The following UBAP1 variants were observed in gnomAD, a reference collection of about 807,000 sequenced individuals.
UBAP1 encodes ubiquitin-associated protein 1.
Under a neutral mutation model 39.0 loss-of-function variants are expected in UBAP1, and 5 were observed. That is an observed-to-expected ratio of 0.13 (90% CI 0.07 to 0.27). The LOEUF (loss-of-function observed/expected upper bound fraction) is 0.27. Among genes scored for constraint, UBAP1 ranks in the 10% least tolerant of loss-of-function variants. The pLI is 1.00. For missense variants in UBAP1, 490 were observed against 608.1 expected, an observed-to-expected ratio of 0.81 and a Z score of 2.04; for synonymous variants, 211 against 225.1, an observed-to-expected ratio of 0.94 and a Z score of 0.56.
rs1411096636 is a variant in UBAP1, at chr9:34,241,707, C to T, written c.682C>T (p.Leu228Phe). ...LERATLDFKP[L>F]HKPNGFITLP... is the part of the protein sequence containing the mutation. ...ACGGGCAACCCTAGATTTCAAGCCT[C>T]TTCATAAACCCAATGGCTTTATAAC... The change falls in exon 4 of 7, where the codon CTT becomes TTT. Residue 228 changes from leucine to phenylalanine, a missense_variant. By Grantham distance (22) the Leu-to-Phe change is conservative. Coordinates refer to ENST00000297661, the MANE Select transcript of UBAP1 (RefSeq NM_016525.5). 6.2e-7 allele frequency: 1 copy of T among 1,614,018 alleles called. No homozygotes were observed. Among genetic ancestry groups the T allele is most frequent in the African/African-American group, 1.3e-5 (1 of 74,982 alleles).
At chr9:34,208,258 A>G (rs1563898436) in intron 1 of UBAP1, among the ~76,000 whole-genome samples, 1 of 151,970 alleles carries the variant, frequency 6.6e-6, no homozygotes, top group Non-Finnish European at 1.5e-5. Context: ...CTGTATTTAT[A>G]TATTCAATTT....
At chr9:34,230,687 G>C (rs971884971) in intron 2 of UBAP1, among the ~76,000 whole-genome samples, 34 of 152,268 alleles carry the variant, frequency 2.2e-4, no homozygotes, top group African/African-American at 8.2e-4. Flanking sequence ...TCAACACTTA[G>C]TTTTGTTGGT....
chr9:34,210,252 T>C (rs1248968084), intron 1 of UBAP1, among the ~76,000 whole-genome samples: 1 of 152,086 alleles, frequency 6.6e-6, no homozygotes, highest in East Asian at 1.9e-4. Flanking sequence ...GGGGGCTAAG[T>C]TTTGCAAACA....
intron 1 of UBAP1, among the ~76,000 whole-genome samples, chr9:34,180,538 C>T (rs938480857): frequency 4.0e-5 from 6 of 151,748 alleles, no homozygotes; most frequent in Admixed American, 1.3e-4. Flanking sequence ...CGTATTATGG[C>T]AAAGAATGTG....
At chr9:34,225,223 T>C (rs1229544210) in intron 2 of UBAP1, among the ~76,000 whole-genome samples, 3 of 152,128 alleles carry the variant, frequency 2.0e-5, no homozygotes, top group Non-Finnish European at 4.4e-5. Flanking sequence ...ATGTATTTTT[T>C]TTTCTTTTTA....
chr9:34,241,639 C>G lies in UBAP1; in HGVS notation c.614C>G (p.Ser205Cys). ...GACAATAACTTGCCCAGGGGAGGCT[C>G]TGGGTCTGTGTTACAGGATGAGGAG... ...LLDNNLPRGG[S>C]GSVLQDEEVL... Residue 205 changes from serine to cysteine, a missense_variant, in exon 4 of 7, where the codon TCT becomes TGT. Ser to Cys is a moderately radical substitution (Grantham distance 112). Coordinates refer to ENST00000297661, the MANE Select transcript of UBAP1 (RefSeq NM_016525.5). 1 of 1,614,094 alleles carries G rather than the reference C, an allele frequency of 6.2e-7. No individual in the cohort carries two copies. The highest frequency in any genetic ancestry group is 1.1e-5 in the South Asian group (1 of 91,070).
At chr9:34,222,849 A>G (rs930157110) in intron 2 of UBAP1, among the ~76,000 whole-genome samples, 11 of 152,092 alleles carry the variant, frequency 7.2e-5, no homozygotes, top group East Asian at 3.9e-4. Flanking sequence ...AGAAAAAGGG[A>G]AAAAAAGGCA....
chr9:34,188,328 G>T (rs371995388), intron 1 of UBAP1, among the ~76,000 whole-genome samples: 1 of 150,338 alleles, frequency 6.7e-6, no homozygotes, highest in Non-Finnish European at 1.5e-5. Context: ...ATACAGAAAA[G>T]TGTAACAGGA....
At chr9:34,180,918 G>C (rs1829980845) in intron 1 of UBAP1, among the ~76,000 whole-genome samples, 1 of 145,202 alleles carries the variant, frequency 6.9e-6, no homozygotes, top group Admixed American at 7.0e-5. Flanking sequence ...TCAAGTGACT[G>C]TCCTGCCTCA....
rs57040252 is a variant in UBAP1, at chr9:34,195,927, GTTTTTTTTTTTTTTTTTTT to G, written c.-8+16706_-8+16724del. On this transcript the variant is annotated intron_variant, in intron 1 of 6. Transcript: ENST00000297661. ...TTTGGATTTCTATACAAATTTTTTG[GTTTTTTTTTTTTTTTTTTT>G]TTTTTTTTTTTTTTTTTTGAGATAG... Among the ~76,000 whole-genome samples the G allele has an allele frequency of 7.2e-4, 26 of 36,156 alleles. 1 individual carries two copies. The highest frequency in any genetic ancestry group is 1.6e-3 in the South Asian group (1 of 628). 23.7% of individuals were successfully genotyped at this position (36,156 alleles called of 152,430 possible). A position where few individuals can be genotyped will look rare whatever the true frequency, so the allele number is the denominator to read the frequency against.
At chr9:34,248,282 C>T (rs907725787) in intron 4 of UBAP1, among the ~76,000 whole-genome samples, 5 of 152,112 alleles carry the variant, frequency 3.3e-5, no homozygotes, top group Admixed American at 2.6e-4. Context: ...GATCCACCTG[C>T]CTCGGCCTCC....
rs559089503 is a variant in UBAP1 at position 34,218,656 on chromosome 9, G to A, written c.-7-2252G>A. On this transcript the variant is annotated intron_variant, in intron 1 of 6. Coordinates refer to ENST00000297661, the MANE Select transcript of UBAP1 (RefSeq NM_016525.5). ...GTTTTAGAAGTCTCACTGTGAGACCGGGTGCAGTGGCTCATGCCTGTAATT... is the reference window on the plus strand; with the variant it reads ...GTTTTAGAAGTCTCACTGTGAGACCAGGTGCAGTGGCTCATGCCTGTAATT... Among the ~76,000 whole-genome samples, 11 of 152,252 alleles carry A rather than the reference G, an allele frequency of 7.2e-5. No homozygotes were observed. In the South Asian group the frequency reaches 8.3e-4, roughly 11 times the overall value.
At chr9:34,209,246 C>CA (rs1178742142) in intron 1 of UBAP1, among the ~76,000 whole-genome samples, 2 of 152,072 alleles carry the variant, frequency 1.3e-5, no homozygotes, top group African/African-American at 4.8e-5. Context: ...TGGCCTGACT[C>CA]AGCTACTTCT....
intron 1 of UBAP1, among the ~76,000 whole-genome samples, chr9:34,189,313 C>T (rs990280083): frequency 1.3e-5 from 2 of 151,750 alleles, no homozygotes; most frequent in South Asian, 2.1e-4. Flanking sequence ...CTCAGCCTCC[C>T]GAGTAGCTGG....
chr9:34,248,196 C>T (rs1412858386), intron 4 of UBAP1, among the ~76,000 whole-genome samples: 15 of 152,080 alleles, frequency 9.9e-5, no homozygotes, highest in South Asian at 2.1e-4. Context: ...CCACCACACC[C>T]GGCTGATTTT....
chr9:34,203,865 G>A (rs1831535080), intron 1 of UBAP1, among the ~76,000 whole-genome samples: 1 of 152,170 alleles, frequency 6.6e-6, no homozygotes, highest in African/African-American at 2.4e-5. Context: ...GAACAAGGCT[G>A]TATTATTTCT....
At chr9:34,179,519 T>C (rs560473654) in intron 1 of UBAP1, among the ~76,000 whole-genome samples, 133 of 151,634 alleles carry the variant, frequency 8.8e-4, no homozygotes, top group African/African-American at 3.0e-3. Context: ...AAGACAGGCA[T>C]AGTAGACATC....
intron 1 of UBAP1, among the ~76,000 whole-genome samples, chr9:34,207,009 AT>A (rs771462509): frequency 8.9e-6 from 1 of 111,796 alleles, no homozygotes; most frequent in African/African-American, 3.3e-5. Flanking sequence ...TTCTTCGGAG[AT>A]TTTTTCTTTT....
At chr9:34,236,907 T>A (rs1438936182) in intron 3 of UBAP1, among the ~76,000 whole-genome samples, 2 of 152,102 alleles carry the variant, frequency 1.3e-5, no homozygotes, top group African/African-American at 4.8e-5. Context: ...CATCACCTCC[T>A]CCATGTTCCC....
Sources: gnomAD v4.1 joint callset for allele counts (sites outside exome capture counted in the v4.1 genomes callset) on GRCh38, gnomAD v4.1.1 for gene constraint, MANE v1.5 for transcripts, NCBI Gene and HGNC (gene_info 2026-07-23, HGNC 2026-07-21) for gene names.